NRG1: variants seen among roughly 807,000 people sequenced by gnomAD.
NRG1 encodes pro-neuregulin-1, membrane-bound isoform.
NRG1 carries 18 observed loss-of-function variants against 63.8 expected under a neutral mutation model. The observed-to-expected ratio is 0.28, with a 90% confidence interval of 0.19 to 0.42. The LOEUF (loss-of-function observed/expected upper bound fraction) is 0.42, where lower values mean the gene tolerates loss of function less well. NRG1 is among the 10% of genes least tolerant of loss of function. NRG1 has a pLI of 1.00. For missense variants in NRG1, 762 were observed against 814.7 expected (o/e 0.94, Z 0.79); for synonymous variants, 302 against 301.3 (o/e 1.00, Z -0.02).
chr8:32,324,291 G>A (rs1403157939), intron 1 of NRG1, among the ~76,000 whole-genome samples: 1 of 152,200 alleles, frequency 6.6e-6, no homozygotes, highest in Non-Finnish European at 1.5e-5. Flanking sequence ...TGCCCTGTAA[G>A]CCGGGGGTAT....
intron 1 of NRG1, among the ~76,000 whole-genome samples, chr8:31,859,548 A>G (rs1828272444): frequency 6.6e-6 from 1 of 152,228 alleles, no homozygotes; most frequent in Non-Finnish European, 1.5e-5. Flanking sequence ...CCTAAATTAC[A>G]TATCCCTTTC....
intron 5 of NRG1, among the ~76,000 whole-genome samples, chr8:32,721,594 G>T (rs1820653875): frequency 6.6e-6 from 1 of 152,128 alleles, no homozygotes. Context: ...TCACTGTATT[G>T]GCTCTGGGAA....
Position 32,445,216 on chromosome 8 carries a change from T to A in NRG1, c.38-150612T>A, listed in dbSNP as rs529351002. 2.0e-5 allele frequency among the ~76,000 whole-genome samples: 3 copies of A among 152,352 alleles called. No individual in the cohort carries two copies. The South Asian group carries it at 6.2e-4, about 32-fold the overall frequency. The stretch of plus-strand genomic sequence containing the variant: ...ATATCCTCCTGAATACTTTAAATCA[T>A]CTCTAGATTACTTATAATACCTAGA... On this transcript the variant is annotated intron_variant, in intron 1 of 10. Coordinates refer to the NRG1 transcript ENST00000519301.
At chr8:32,476,985 A>G (rs972674811) in intron 1 of NRG1, among the ~76,000 whole-genome samples, 4 of 152,188 alleles carry the variant, frequency 2.6e-5, no homozygotes, top group African/African-American at 9.7e-5. Flanking sequence ...ACGAGCTGGG[A>G]GGCAGCAAAT....
intron 5 of NRG1, chr8:32,646,589 A>C: frequency 1.2e-5 from 8 of 653,000 alleles, no homozygotes; most frequent in Non-Finnish European, 1.3e-5. Flanking sequence ...GATTGCTAGC[A>C]TCGATCGCTG....
chr8:31,671,754 G>A (rs986424520), intron 1 of NRG1, among the ~76,000 whole-genome samples: 20 of 152,066 alleles, frequency 1.3e-4, no homozygotes, highest in African/African-American at 4.8e-4. Flanking sequence ...TTTAGGAGAG[G>A]GAGGAGTTCA....
At chr8:31,969,818 T>A (rs1489750317) in intron 1 of NRG1, among the ~76,000 whole-genome samples, 1 of 152,130 alleles carries the variant, frequency 6.6e-6, no homozygotes, top group Non-Finnish European at 1.5e-5. Context: ...TCTGCCAGCT[T>A]TTTGAAGTAT....
chr8:32,673,824 A>C (rs2128900144), intron 5 of NRG1, among the ~76,000 whole-genome samples: 1 of 152,356 alleles, frequency 6.6e-6, no homozygotes, highest in Non-Finnish European at 1.5e-5. Context: ...ACACTGCCCT[A>C]GAATGACACT....
At chr8:31,931,740 G>C (rs191070802) in intron 1 of NRG1, among the ~76,000 whole-genome samples, 116 of 152,280 alleles carry the variant, frequency 7.6e-4, no homozygotes, top group African/African-American at 2.6e-3. Context: ...CAGTGCAGAG[G>C]ACATGTGGGC....
intron 1 of NRG1, among the ~76,000 whole-genome samples, chr8:32,102,303 A>G (rs1830677705): frequency 6.6e-6 from 1 of 151,966 alleles, no homozygotes; most frequent in African/African-American, 2.4e-5. Flanking sequence ...ACATCTGGCT[A>G]ATTTTTGTAT....
chr8:31,712,991 AT>A (rs1563319320), intron 1 of NRG1, among the ~76,000 whole-genome samples: 1 of 37,164 alleles, frequency 2.7e-5, no homozygotes, highest in Non-Finnish European at 6.5e-5. Flanking sequence ...CCACCCATCC[AT>A]CCATCCATCC....
chr8:31,687,885 G>T (rs1254187138), intron 1 of NRG1, among the ~76,000 whole-genome samples: 1 of 152,194 alleles, frequency 6.6e-6, no homozygotes, highest in Admixed American at 6.5e-5. Context: ...CATGACCTTA[G>T]GTCAGGCGTT....
chr8:32,678,192 G>T (rs987946455), intron 5 of NRG1, among the ~76,000 whole-genome samples: 1 of 152,100 alleles, frequency 6.6e-6, no homozygotes. Context: ...GTCAAGTAGA[G>T]TATAAATTCA....
chr8:32,252,962 G>A (rs1849285120), intron 1 of NRG1, among the ~76,000 whole-genome samples: 1 of 152,138 alleles, frequency 6.6e-6, no homozygotes, highest in Non-Finnish European at 1.5e-5. Flanking sequence ...TAGCCATTGT[G>A]AATGGGAGTT....
At chr8:32,287,472 G>A (rs576971349) in intron 1 of NRG1, 6 of 152,298 alleles carry the variant, frequency 3.9e-5, no homozygotes, top group African/African-American at 1.2e-4. Context: ...AACCACCATG[G>A]CTTAGAGAAC....
chr8:31,925,194 G>C (rs1412744751), intron 1 of NRG1, among the ~76,000 whole-genome samples: 1 of 7,726 alleles, frequency 1.3e-4, no homozygotes, highest in African/African-American at 1.3e-3. Context: ...TGTTTCCTCA[G>C]CTACTGGGAG....
At chr8:32,136,990 G>T (rs1310508589) in intron 1 of NRG1, among the ~76,000 whole-genome samples, 1 of 152,056 alleles carries the variant, frequency 6.6e-6, no homozygotes, top group Non-Finnish European at 1.5e-5. Context: ...ATATAAGGAG[G>T]TAATTACATT....
chr8:32,247,853 A>G (rs188127430), intron 1 of NRG1, among the ~76,000 whole-genome samples: 48 of 152,270 alleles, frequency 3.2e-4, no homozygotes, highest in Admixed American at 7.2e-4. Flanking sequence ...CTCAGAAGGT[A>G]AAGAAAAAAT....
intron 1 of NRG1, among the ~76,000 whole-genome samples, chr8:32,100,340 T>A (rs963142159): frequency 6.6e-6 from 1 of 152,184 alleles, no homozygotes; most frequent in Non-Finnish European, 1.5e-5. Flanking sequence ...CACTTTCACG[T>A]AATTAACTCC....
Sources: allele counts gnomAD v4.1 joint callset (sites outside exome capture counted in the v4.1 genomes callset), GRCh38; gene constraint gnomAD v4.1.1; transcripts MANE v1.5; gene names NCBI Gene and HGNC (gene_info 2026-07-23, HGNC 2026-07-21).